Variants in DDAH1 observed in about 807,000 individuals in gnomAD.
The protein encoded by DDAH1 is dimethylarginine dimethylaminohydrolase 1.
In DDAH1, 19 loss-of-function variants were observed where a neutral mutation model predicts 28.8. The observed-to-expected ratio is 0.66, with a 90% CI of 0.46 to 0.97. The LOEUF is 0.97. DDAH1 is among the 50% of genes least tolerant of loss of function. The pLI, the probability that DDAH1 is intolerant of heterozygous loss-of-function variation, is 0.00. For missense variants in DDAH1, 326 were observed against 375.9 expected (o/e 0.87, Z 1.10); for synonymous variants, 153 against 154.4 (o/e 0.99, Z 0.07).
chr1:85,486,110 C>G (rs886453183), intron 2 of DDAH1, among the ~76,000 whole-genome samples: 6 of 152,186 alleles, frequency 3.9e-5, no homozygotes, highest in Admixed American at 3.3e-4. Context: ...AAATGCGTAT[C>G]TGAGGTTTGA....
intron 1 of DDAH1, among the ~76,000 whole-genome samples, chr1:85,576,329 G>A (rs1046161259): frequency 2.0e-5 from 3 of 152,194 alleles, no homozygotes; most frequent in Non-Finnish European, 4.4e-5. Flanking sequence ...AAGCAGGCAA[G>A]GTCCCGAGAG....
intron 4 of DDAH1, among the ~76,000 whole-genome samples, chr1:85,327,526 A>G (rs932091933): frequency 2.6e-5 from 4 of 152,164 alleles, no homozygotes; most frequent in Non-Finnish European, 5.9e-5. Flanking sequence ...TTTTACTATG[A>G]GTTTTTGTGC....
At chr1:85,452,863 G>A (rs937456429) in intron 1 of DDAH1, among the ~76,000 whole-genome samples, 4 of 152,146 alleles carry the variant, frequency 2.6e-5, no homozygotes, top group African/African-American at 9.7e-5. Flanking sequence ...ACTTTCTCCT[G>A]GCTAAACGAT....
intron 1 of DDAH1, among the ~76,000 whole-genome samples, chr1:85,387,398 A>C (rs891687438): frequency 6.6e-6 from 1 of 152,226 alleles, no homozygotes; most frequent in Non-Finnish European, 1.5e-5. Context: ...TTCTTCTACC[A>C]GATAACCTTC....
intron 1 of DDAH1, among the ~76,000 whole-genome samples, chr1:85,500,103 T>C (rs1656745267): frequency 7.6e-6 from 1 of 131,512 alleles, no homozygotes; most frequent in Non-Finnish European, 1.6e-5. Context: ...CCCTCCTTCC[T>C]CTTTCTTTTC....
In DDAH1 at chr1:85,411,107, G is replaced by C. The variant is rs12122163; in HGVS notation, c.304-52260C>G. On this transcript the variant is annotated intron_variant, in intron 1 of 5. Coordinates refer to ENST00000284031, the MANE Select transcript of DDAH1 (RefSeq NM_012137.4). ...AGTGTCTTGGCGGGGATCCTGACCA[G>C]CTATCTTAGTCTAGCCCACAAGTTA... 4.8e-3 allele frequency among the ~76,000 whole-genome samples: 728 copies of C among 152,250 alleles called. 3 individuals are homozygous for C. The highest frequency in any genetic ancestry group is 7.8e-3 in the Non-Finnish European group (532 of 68,010).
rs981246627 is a variant in DDAH1 at position 85,464,651 on chromosome 1, G to A, written c.303+92C>T. The stretch of plus-strand genomic sequence containing the variant: ...GAAGTTGTGAACTACTAGCCCGAGG[G>A]CCAATGGCGCGACTCCCCAGGCAAC... On this transcript the variant is annotated intron_variant, in intron 1 of 5. Transcript: ENST00000284031. The surrounding 1 kb of genome is among the most constrained non-coding windows in gnomAD (Gnocchi z 4.4). 1 of 1,470,888 alleles carries A rather than the reference G, an allele frequency of 6.8e-7. No individual in the cohort carries two copies. Among genetic ancestry groups the A allele is most frequent in the Non-Finnish European group, 9.0e-7 (1 of 1,113,056 alleles). 91.1% of individuals were successfully genotyped at this position (1,470,888 alleles called of 1,614,324 possible). A position where few individuals can be genotyped will look rare whatever the true frequency, so the allele number is the denominator to read the frequency against.
chr1:85,393,798 A>G (rs1175242013), intron 1 of DDAH1, among the ~76,000 whole-genome samples: 1 of 152,208 alleles, frequency 6.6e-6, no homozygotes, highest in Admixed American at 6.5e-5. Context: ...CTCACCTAAG[A>G]GTCATGTCTT....
At chr1:85,499,535 T>C (rs636813) in intron 1 of DDAH1, among the ~76,000 whole-genome samples, 151,080 of 152,270 alleles carry the variant, frequency 0.99, 74,967 homozygotes, top group Middle Eastern at 1. Context: ...ATTAGCTGGG[T>C]GTGGTGGCAC....
At chr1:85,559,320 A>C (rs574174613) in intron 1 of DDAH1, among the ~76,000 whole-genome samples, 1 of 152,176 alleles carries the variant, frequency 6.6e-6, no homozygotes, top group Non-Finnish European at 1.5e-5. Context: ...GAAATATATT[A>C]AAATAGGCCT....
At position 85,570,238 on chromosome 1, in the gene DDAH1, C is replaced by T. The variant is rs1213300322; in HGVS notation, c.-123+7746G>A. ...TCTTGCTACCACGTGGCCTCAAAGC[C>T]TCTACAAAGAGTTCAGCCTTTCTTC... On this transcript the variant is annotated intron_variant, in intron 1 of 6. Transcript: ENST00000426972. Among the ~76,000 whole-genome samples the T allele has an allele frequency of 3.3e-5, 5 of 152,096 alleles. No homozygotes were observed. The East Asian group carries it at 9.6e-4, about 29-fold the overall frequency.
chr1:85,540,712 C>A (rs377684664), intron 1 of DDAH1, among the ~76,000 whole-genome samples: 16 of 152,200 alleles, frequency 1.1e-4, no homozygotes, highest in African/African-American at 3.9e-4. Context: ...AATCCCAGCA[C>A]TTTGGGAGGC....
At chr1:85,383,415 T>A (rs1010838649) in intron 1 of DDAH1, among the ~76,000 whole-genome samples, 21 of 152,312 alleles carry the variant, frequency 1.4e-4, no homozygotes, top group African/African-American at 4.6e-4. Flanking sequence ...GATGAGGAGT[T>A]GCTTCTTATG....
intron 4 of DDAH1, among the ~76,000 whole-genome samples, chr1:85,348,604 A>C (rs965723061): frequency 3.3e-5 from 5 of 152,108 alleles, no homozygotes; most frequent in Non-Finnish European, 5.9e-5. Flanking sequence ...CTCTCATTGA[A>C]TTCTACCCTG....
rs573822273 is a variant in DDAH1 at position 85,554,230 on chromosome 1, C to T, written c.-123+23754G>A. On this transcript the variant is annotated intron_variant, in intron 1 of 6. Transcript: ENST00000426972. ...GCCTGAAAGAGAGGCCAGCTCAAGA[C>T]CAATGTACAGGCCCTCGTAGTTTTC... Among the ~76,000 whole-genome samples the T allele has an allele frequency of 4.3e-4, 65 of 150,578 alleles. 1 individual carries two copies. The highest frequency in any genetic ancestry group is 2.3e-3 in the South Asian group (11 of 4,702).
chr1:85,336,426 T>C (rs745634982), intron 4 of DDAH1, among the ~76,000 whole-genome samples: 2 of 151,544 alleles, frequency 1.3e-5, no homozygotes, highest in Non-Finnish European at 2.9e-5. Flanking sequence ...AACAACATGC[T>C]CCTGAATGAC....
In DDAH1 at chr1:85,462,310, C is replaced by T. The variant is rs1296828899; in HGVS notation, c.303+2433G>A. ...GAAGCTGAAGCTGGAAAGGCAAGCA[C>T]AGCCCAGCTCAATGGGTTTATCTAA... On this transcript the variant is annotated intron_variant, in intron 1 of 5. Transcript: ENST00000284031. Among the ~76,000 whole-genome samples, 4 of 152,262 alleles carry T rather than the reference C, an allele frequency of 2.6e-5. No individual in the cohort carries two copies. The East Asian group carries it at 7.7e-4, about 29-fold the overall frequency.
chr1:85,567,507 C>T (rs1308520146), intron 1 of DDAH1, among the ~76,000 whole-genome samples: 2 of 152,202 alleles, frequency 1.3e-5, no homozygotes, highest in Admixed American at 1.3e-4. Context: ...TTGCCTTCCA[C>T]TGTGATTGTG....
At chr1:85,536,948 CATATATATATATATATATAT>C (rs202209648) in intron 1 of DDAH1, among the ~76,000 whole-genome samples, 2 of 91,824 alleles carry the variant, frequency 2.2e-5, no homozygotes, top group South Asian at 3.4e-4. Flanking sequence ...GAAAATGTGG[CATATATATATATATATATAT>C]ATATATATAT....
Sources: allele counts gnomAD v4.1 joint callset (sites outside exome capture counted in the v4.1 genomes callset), GRCh38; gene constraint gnomAD v4.1.1; non-coding constraint Gnocchi (gnomAD v3.1); transcripts MANE v1.5; gene names NCBI Gene and HGNC (gene_info 2026-07-23, HGNC 2026-07-21).